The following ABI2 variants were observed in gnomAD, a reference collection of about 807,000 sequenced individuals.
ABI2 encodes abl interactor 2.
Under a neutral mutation model 59.2 loss-of-function variants are expected in ABI2, and 25 were observed. That is an observed-to-expected ratio of 0.42 (90% CI 0.31 to 0.59). The LOEUF (loss-of-function observed/expected upper bound fraction) is 0.59. Among genes scored for constraint, ABI2 ranks in the 20% least tolerant of loss-of-function variants. The pLI is 0.14. For missense variants in ABI2, 545 were observed against 681.8 expected (o/e 0.80, Z 2.23); for synonymous variants, 213 against 235.5 (o/e 0.90, Z 0.87).
At position 203,366,149 on chromosome 2, in the gene ABI2, A is replaced by G. The variant is rs144354847; in HGVS notation, c.118-728A>G. Among the ~76,000 whole-genome samples, 101 of 152,094 alleles carry G rather than the reference A, an allele frequency of 6.6e-4. 1 individual carries two copies. Among genetic ancestry groups the G allele is most frequent in the Middle Eastern group, 3.4e-3 (1 of 294 alleles). Reference sequence around the variant, plus strand: ...CTAACTGCATGTGTCAACTTAATTTATTTTAAAAATTACTTAATGTTTAGC... The same window carrying G: ...CTAACTGCATGTGTCAACTTAATTTGTTTTAAAAATTACTTAATGTTTAGC... On this transcript the variant is annotated intron_variant, in intron 1 of 11. Transcript: ENST00000261018.
Position 203,391,039 on chromosome 2 carries a change from T to A in ABI2, c.481-7T>A. On this transcript the variant is annotated splice_region_variant and splice_polypyrimidine_tract_variant and intron_variant, in intron 4 of 11. Transcript: ENST00000261018. ...ATACAAGTTGAGTTTTCCTTAAAATTTTTTAGGTGAGTACCCAGAACATGA... is the reference window on the plus strand; with the variant it reads ...ATACAAGTTGAGTTTTCCTTAAAATATTTTAGGTGAGTACCCAGAACATGA... The A allele has an allele frequency of 1.2e-6, 2 of 1,612,928 alleles. No individual in the cohort carries two copies. Among genetic ancestry groups the A allele is most frequent in the Non-Finnish European group, 1.7e-6 (2 of 1,179,326 alleles).
intron 4 of ABI2, among the ~76,000 whole-genome samples, chr2:203,388,072 AT>A (rs1467849524): frequency 2.0e-5 from 3 of 152,122 alleles, no homozygotes; most frequent in African/African-American, 7.2e-5. Flanking sequence ...TATTATAAAA[AT>A]TGTTTTGTTT....
At position 203,332,828 on chromosome 2, in the gene ABI2, G is replaced by A. The variant is rs946704508; in HGVS notation, c.117+4197G>A. 7.9e-5 allele frequency among the ~76,000 whole-genome samples: 12 copies of A among 152,142 alleles called. No individual in the cohort carries two copies. In the East Asian group the frequency reaches 1.2e-3, roughly 15 times the overall value. On this transcript the variant is annotated intron_variant, in intron 1 of 11. Transcript: ENST00000261018. ...GAAAAGCCAACTTGTTGATATGTAC[G>A]TTTTTCTTTTTGTTAGATAAAAGTT...
Position 203,428,160 on chromosome 2 carries a change from C to G in ABI2, c.*808C>G, listed in dbSNP as rs1312410679. 1 of 152,398 alleles carries G rather than the reference C, an allele frequency of 6.6e-6. No individual in the cohort carries two copies. Among genetic ancestry groups the G allele is most frequent in the Non-Finnish European group, 1.5e-5 (1 of 68,052 alleles). The allele number at this position is 152,398 out of a possible 1,614,324, so 9.4% of individuals were successfully genotyped here. ...GGAGGTGGGTGTGTGAAGCTAGACA[C>G]GAAGGTCCCTAAGGTTCTGAAGAGA... On this transcript the variant is annotated 3_prime_UTR_variant, in exon 12 of 12. Transcript: ENST00000261018.
chr2:203,362,878 C>T (rs1458244415), intron 1 of ABI2, among the ~76,000 whole-genome samples: 1 of 152,024 alleles, frequency 6.6e-6, no homozygotes, highest in African/African-American at 2.4e-5. Context: ...GTTGCCCAGA[C>T]TGGAGTGCAG....
intron 1 of ABI2, chr2:203,328,923 A>G (rs1051626272): frequency 7.6e-6 from 2 of 261,966 alleles, no homozygotes; most frequent in Non-Finnish European, 1.4e-5. Flanking sequence ...CGCGCCGGTC[A>G]GCGTTCCGGA....
chr2:203,399,478 T>A (rs1044335177), intron 8 of ABI2, among the ~76,000 whole-genome samples: 2 of 152,168 alleles, frequency 1.3e-5, no homozygotes, highest in Non-Finnish European at 2.9e-5. Flanking sequence ...TTTTCTTCCA[T>A]TTTGTGATTC....
rs1252094658 is a variant in ABI2, at chr2:203,431,657, C to G, written c.*4305C>G. 1 of 151,440 alleles carries G rather than the reference C, an allele frequency of 6.6e-6. No individual in the cohort carries two copies. The highest frequency in any genetic ancestry group is 1.9e-4 in the East Asian group (1 of 5,166). 9.4% of individuals were successfully genotyped at this position (151,440 alleles called of 1,614,324 possible). A position where few individuals can be genotyped will look rare whatever the true frequency, so the allele number is the denominator to read the frequency against. ...TCATTACCTTTAAGTTTACTTTGTG[C>G]TGACCTTTGTTCCTGTTTTGAGAAT... is the stretch of plus-strand genomic sequence containing the variant. On this transcript the variant is annotated 3_prime_UTR_variant, in exon 12 of 12. Coordinates refer to ENST00000261018, the MANE Select transcript of ABI2 (RefSeq NM_001375670.1).
At chr2:203,350,336 A>G (rs1306225008) in intron 1 of ABI2, among the ~76,000 whole-genome samples, 1 of 151,746 alleles carries the variant, frequency 6.6e-6, no homozygotes, top group Non-Finnish European at 1.5e-5. Flanking sequence ...CTCGTGACCA[A>G]CCACGCCTGG....
intron 1 of ABI2, among the ~76,000 whole-genome samples, chr2:203,330,309 A>G (rs1342257178): frequency 2.0e-5 from 3 of 151,288 alleles, no homozygotes; most frequent in Non-Finnish European, 2.9e-5. Flanking sequence ...ACAAATGTCC[A>G]CTTGTAATGT....
At chr2:203,404,098 T>A (rs992241830) in intron 9 of ABI2, among the ~76,000 whole-genome samples, 2 of 152,018 alleles carry the variant, frequency 1.3e-5, no homozygotes, top group Admixed American at 1.3e-4. Context: ...ATTTAAAAAA[T>A]TTTTCTCTTA....
At chr2:203,418,578 G>A (rs1178188326) in intron 11 of ABI2, among the ~76,000 whole-genome samples, 2 of 152,218 alleles carry the variant, frequency 1.3e-5, no homozygotes, top group Non-Finnish European at 2.9e-5. Context: ...CTCACAACAT[G>A]GCAGCTAACT....
At chr2:203,345,040 C>T (rs527371041) in intron 1 of ABI2, among the ~76,000 whole-genome samples, 32 of 152,236 alleles carry the variant, frequency 2.1e-4, no homozygotes, top group Non-Finnish European at 3.2e-4. Context: ...TGCCGGAGCC[C>T]GCAGTGGCAA....
At chr2:203,330,080 A>T (rs2072025746) in intron 1 of ABI2, among the ~76,000 whole-genome samples, 1 of 152,192 alleles carries the variant, frequency 6.6e-6, no homozygotes, top group South Asian at 2.1e-4. Context: ...TGTAAATTTT[A>T]AAAAACAGGT....
intron 11 of ABI2, among the ~76,000 whole-genome samples, chr2:203,419,386 C>A (rs1281767569): frequency 6.8e-6 from 1 of 146,582 alleles, no homozygotes; most frequent in African/African-American, 2.5e-5. Flanking sequence ...GCGTGAGCCA[C>A]GAGGCAGAGT....
chr2:203,351,164 T>C (rs921691550), intron 1 of ABI2, among the ~76,000 whole-genome samples: 1 of 152,194 alleles, frequency 6.6e-6, no homozygotes, highest in African/African-American at 2.4e-5. Flanking sequence ...CCCATAAATG[T>C]GCAGTTTTAT....
At chr2:203,413,527 A>G (rs148554784) in intron 10 of ABI2, among the ~76,000 whole-genome samples, 72 of 152,298 alleles carry the variant, frequency 4.7e-4, no homozygotes, top group African/African-American at 1.7e-3. Flanking sequence ...ACCCTATCAC[A>G]GTTGATTGCC....
chr2:203,353,809 T>TAAACTC (rs929967162), intron 1 of ABI2, among the ~76,000 whole-genome samples: 2 of 152,206 alleles, frequency 1.3e-5, no homozygotes, highest in African/African-American at 4.8e-5. Context: ...AGAGGTACTT[T>TAAACTC]AAACTCTTAT....
At chr2:203,389,201 C>T (rs751772175) in intron 4 of ABI2, among the ~76,000 whole-genome samples, 3 of 152,092 alleles carry the variant, frequency 2.0e-5, no homozygotes, top group East Asian at 3.9e-4. Context: ...GTATACCCTC[C>T]GCTTATTAAT....
Sources: allele counts gnomAD v4.1 joint callset (sites outside exome capture counted in the v4.1 genomes callset), GRCh38; gene constraint gnomAD v4.1.1; transcripts MANE v1.5; gene names NCBI Gene and HGNC (gene_info 2026-07-23, HGNC 2026-07-21).